Variants in MAP4K4 observed in about 807,000 individuals in gnomAD.
The protein encoded by MAP4K4 is mitogen-activated protein kinase kinase kinase kinase 4, also known as HPK/GCK-like kinase HGK.
In MAP4K4, 38 loss-of-function variants were observed where a neutral mutation model predicts 189.6. The ratio of observed to expected loss-of-function variants is 0.20; its 90% CI spans 0.15 to 0.26. The LOEUF (loss-of-function observed/expected upper bound fraction) is 0.26. MAP4K4 is among the 10% of genes least tolerant of loss of function. The pLI, the probability that MAP4K4 is intolerant of heterozygous loss-of-function variation, is 1.00. For missense variants in MAP4K4, 1,054 were observed against 1,726.9 expected, an observed-to-expected ratio of 0.61 and a Z score of 6.91; for synonymous variants, 610 against 624.3, an observed-to-expected ratio of 0.98 and a Z score of 0.34.
At chr2:101,715,959 A>G (rs1049980935) in intron 2 of MAP4K4, among the ~76,000 whole-genome samples, 8 of 152,168 alleles carry the variant, frequency 5.3e-5, no homozygotes, top group African/African-American at 1.9e-4. Flanking sequence ...TGAACTGTGC[A>G]TATGAAGGAT....
In MAP4K4 at chr2:101,839,811, T is replaced by C. The variant is rs772123297; in HGVS notation, c.774-8T>C. On this transcript the variant is annotated splice_region_variant and splice_polypyrimidine_tract_variant and intron_variant, in intron 9 of 32. Coordinates refer to ENST00000324219, the Ensembl canonical transcript of MAP4K4. Reference sequence around the variant, plus strand: ...TGGAAATTTGATGATCTTTTTCACTTCTTACAGGTCGAAGAAGTTTTTTAG... The same window carrying C: ...TGGAAATTTGATGATCTTTTTCACTCCTTACAGGTCGAAGAAGTTTTTTAG... 12 of 1,568,900 alleles carry C rather than the reference T, an allele frequency of 7.6e-6. No homozygotes were observed. In the South Asian group the frequency reaches 1.3e-4, roughly 17 times the overall value.
intron 2 of MAP4K4, among the ~76,000 whole-genome samples, chr2:101,740,168 T>A (rs1414464467): frequency 2.5e-4 from 25 of 99,638 alleles, no homozygotes; most frequent in African/African-American, 1.8e-3. Flanking sequence ...TTTTTTTTTT[T>A]TTTGAGACGG....
At chr2:101,721,509 C>G (rs905915917) in intron 2 of MAP4K4, among the ~76,000 whole-genome samples, 7 of 150,158 alleles carry the variant, frequency 4.7e-5, no homozygotes, top group Non-Finnish European at 1.0e-4. Context: ...GATCTCGGCT[C>G]ACTGCAGCCT....
At chr2:101,790,915 T>C in intron 3 of MAP4K4, 139 bp downstream of exon 3, 1 of 728,296 alleles carries the variant, frequency 1.4e-6, no homozygotes, top group East Asian at 2.7e-5. Context: ...GGTTCATAGG[T>C]CCAGTGGACT....
intron 3 of MAP4K4, among the ~76,000 whole-genome samples, chr2:101,800,123 A>G (rs1484780557): frequency 1.4e-5 from 2 of 147,804 alleles, no homozygotes; most frequent in Non-Finnish European, 3.0e-5. Context: ...CTTCTCCTTA[A>G]AAAAAAAAAA....
rs1440592736 is a variant in MAP4K4 at position 101,760,366 on chromosome 2, G to A, written c.124-30354G>A. Among the ~76,000 whole-genome samples, 8 of 151,712 alleles carry A rather than the reference G, an allele frequency of 5.3e-5. No homozygotes were observed. The East Asian group carries it at 1.6e-3, about 30-fold the overall frequency. ...TAGCCAGATGTGGTGGTGTGAGCCT[G>A]TAGTCCCAGCTACTTGGGAGGCTGA... On this transcript the variant is annotated intron_variant, in intron 2 of 32. Coordinates refer to ENST00000324219, the Ensembl canonical transcript of MAP4K4.
intron 2 of MAP4K4, among the ~76,000 whole-genome samples, chr2:101,718,941 G>A (rs1355240150): frequency 9.2e-5 from 14 of 152,200 alleles, no homozygotes; most frequent in Admixed American, 9.2e-4. Context: ...GCTAGGGTGG[G>A]TTCTTTGGAC....
At chr2:101,876,680 T>C (rs1275727319) in intron 26 of MAP4K4, among the ~76,000 whole-genome samples, 1 of 152,132 alleles carries the variant, frequency 6.6e-6, no homozygotes, top group Admixed American at 6.5e-5. Flanking sequence ...AGATAGGAAA[T>C]AATCAGCATA....
chr2:101,824,788 T>A (rs1473622265), intron 4 of MAP4K4, among the ~76,000 whole-genome samples: 1 of 152,252 alleles, frequency 6.6e-6, no homozygotes, highest in Non-Finnish European at 1.5e-5. Flanking sequence ...TTCTGGGTAC[T>A]TTAAACATAC....
At chr2:101,752,670 A>G (rs1221262798) in intron 2 of MAP4K4, among the ~76,000 whole-genome samples, 1 of 152,176 alleles carries the variant, frequency 6.6e-6, no homozygotes, top group Non-Finnish European at 1.5e-5. Context: ...AGGTAATGCT[A>G]TTCCCATTTA....
chr2:101,849,443 C>A (rs181710599), intron 12 of MAP4K4, among the ~76,000 whole-genome samples: 1 of 152,024 alleles, frequency 6.6e-6, no homozygotes, highest in Non-Finnish European at 1.5e-5. Flanking sequence ...AGTTTTAATA[C>A]TACTTTTCCT....
intron 2 of MAP4K4, among the ~76,000 whole-genome samples, chr2:101,757,452 G>A (rs948815887): frequency 1.3e-5 from 2 of 152,094 alleles, no homozygotes; most frequent in Non-Finnish European, 2.9e-5. Context: ...CTCACAAATG[G>A]TAGAAGTCAA....
Position 101,891,146 on chromosome 2 carries a change from C to G in MAP4K4, c.4072-20C>G. On this transcript the variant is annotated intron_variant, in intron 32 of 32. Coordinates refer to ENST00000324219, the Ensembl canonical transcript of MAP4K4. ...TTCATGACCATGGTAACCATTCCCT[C>G]TCTTTTCTTGCTTTTGCAGGTGTTC... The G allele has an allele frequency of 6.2e-7, 1 of 1,605,414 alleles. No homozygotes were observed. Among genetic ancestry groups the G allele is most frequent in the Non-Finnish European group, 8.5e-7 (1 of 1,172,172 alleles).
chr2:101,814,171 A>C (rs1023550627), intron 3 of MAP4K4, among the ~76,000 whole-genome samples: 2 of 152,208 alleles, frequency 1.3e-5, no homozygotes, highest in African/African-American at 4.8e-5. Flanking sequence ...ATGCTATCAC[A>C]TTTTCTGCAG....
chr2:101,859,939 A>G, intron 15 of MAP4K4, 75 bp downstream of exon 15: 1 of 1,405,924 alleles, frequency 7.1e-7, no homozygotes, highest in Non-Finnish European at 9.9e-7. Flanking sequence ...GTGTCATATG[A>G]GTTCTAGAAC....
chr2:101,780,388 G>T (rs1399952797), intron 2 of MAP4K4, among the ~76,000 whole-genome samples: 2 of 152,210 alleles, frequency 1.3e-5, no homozygotes. Context: ...AAGTTATACT[G>T]TGGATATAAT....
intron 2 of MAP4K4, among the ~76,000 whole-genome samples, chr2:101,760,516 A>G (rs1464969706): frequency 1.2e-4 from 14 of 118,520 alleles, no homozygotes; most frequent in Admixed American, 1.1e-3. Context: ...ATATATATAT[A>G]TATATATGTA....
At chr2:101,867,118 A>G in intron 19 of MAP4K4, 94 bp from the exon 20 acceptor site, 2 of 733,362 alleles carry the variant, frequency 2.7e-6, no homozygotes, top group Admixed American at 2.4e-5. Flanking sequence ...ATGAGTGGGC[A>G]GACAGGAGTG....
intron 2 of MAP4K4, among the ~76,000 whole-genome samples, chr2:101,767,821 C>A (rs2079308581): frequency 1.3e-5 from 2 of 152,308 alleles, no homozygotes; most frequent in South Asian, 4.1e-4. Flanking sequence ...ATTGCTATGA[C>A]AGCTGGGCCT....
Sources: allele counts gnomAD v4.1 joint callset (sites outside exome capture counted in the v4.1 genomes callset), GRCh38; gene constraint gnomAD v4.1.1; transcripts MANE v1.5; gene names NCBI Gene and HGNC (gene_info 2026-07-23, HGNC 2026-07-21).